The following CA10 variants were observed in gnomAD, a reference collection of about 807,000 sequenced individuals.
CA10 encodes carbonic anhydrase 10 (inactive), also known as carbonic anhydrase-related protein 10.
A neutral mutation model predicts 44.2 loss-of-function variants in CA10; 14 were observed. The observed-to-expected ratio is 0.32, with a 90% CI of 0.21 to 0.50. The LOEUF (loss-of-function observed/expected upper bound fraction) is 0.50. Among genes scored for constraint, CA10 ranks in the 20% least tolerant of loss-of-function variants. The pLI, the probability that CA10 is intolerant of heterozygous loss-of-function variation, is 0.99. For missense variants in CA10, 350 were observed against 409.7 expected (o/e 0.85, Z 1.26); for synonymous variants, 159 against 141.6 (o/e 1.12, Z -0.87).
At chr17:51,752,318 G>A (rs377145176) in intron 3 of CA10, among the ~76,000 whole-genome samples, 135 of 151,532 alleles carry the variant, frequency 8.9e-4, no homozygotes, top group African/African-American at 3.2e-3. Context: ...TGGGTGCGCA[G>A]CATGTTGGAA....
chr17:51,813,887 T>C (rs1907468607), intron 3 of CA10, among the ~76,000 whole-genome samples: 1 of 152,202 alleles, frequency 6.6e-6, no homozygotes, highest in South Asian at 2.1e-4. Context: ...GCTCTGACCC[T>C]AAATCTAGCA....
chr17:51,974,611 AAGAG>A (rs1190280136), intron 2 of CA10, among the ~76,000 whole-genome samples: 15 of 152,140 alleles, frequency 9.9e-5, no homozygotes, highest in African/African-American at 3.4e-4. Context: ...CTAGAAGGAG[AAGAG>A]AGAGAAAAAT....
At chr17:52,147,703 A>G (rs1989618470) in intron 1 of CA10, among the ~76,000 whole-genome samples, 1 of 152,194 alleles carries the variant, frequency 6.6e-6, no homozygotes, top group African/African-American at 2.4e-5. Context: ...ACTGTAACTT[A>G]AGAGCCAGTA....
chr17:51,901,414 A>G (rs1340353403), intron 3 of CA10, among the ~76,000 whole-genome samples: 1 of 152,178 alleles, frequency 6.6e-6, no homozygotes, highest in African/African-American at 2.4e-5. Flanking sequence ...TTCCCTAGCC[A>G]CAATACTCCA....
chr17:52,158,735 C>T (rs1227161513), upstream of CA10: 3 of 152,554 alleles, frequency 2.0e-5, no homozygotes, highest in Admixed American at 2.0e-4. Flanking sequence ...GTCGTTATTT[C>T]CTCGCCTACG....
At chr17:52,068,812 A>G (rs1192084498) in intron 2 of CA10, among the ~76,000 whole-genome samples, 1 of 152,244 alleles carries the variant, frequency 6.6e-6, no homozygotes, top group East Asian at 1.9e-4. Context: ...TTCTCCTTAC[A>G]TGGCATGAAT....
At chr17:51,901,777 C>T (rs1231763688) in intron 3 of CA10, among the ~76,000 whole-genome samples, 1 of 152,076 alleles carries the variant, frequency 6.6e-6, no homozygotes. Flanking sequence ...TTGATGATAG[C>T]AGCAGCTAAC....
At chr17:51,887,252 C>T (rs1397731712) in intron 3 of CA10, among the ~76,000 whole-genome samples, 1 of 151,668 alleles carries the variant, frequency 6.6e-6, no homozygotes, top group Non-Finnish European at 1.5e-5. Context: ...TTCTTAAATA[C>T]CCCCTCCAAT....
rs561580842 is a variant in CA10, at chr17:52,149,070, G to T, written c.61+8656C>A. Reference sequence around the variant, plus strand: ...AGAATTGTTTTCCTTGAGGCTAAAAGGTAGCTGTGTGTGTAGTGAGAGAGA... The same window carrying T: ...AGAATTGTTTTCCTTGAGGCTAAAATGTAGCTGTGTGTGTAGTGAGAGAGA... On this transcript the variant is annotated intron_variant, in intron 1 of 8. Transcript: ENST00000451037. Among the ~76,000 whole-genome samples, 10 of 152,316 alleles carry T rather than the reference G, an allele frequency of 6.6e-5. No homozygotes were observed. The South Asian group carries it at 1.7e-3, about 25-fold the overall frequency.
intron 3 of CA10, among the ~76,000 whole-genome samples, chr17:51,821,609 A>C (rs572309613): frequency 1.3e-5 from 2 of 152,116 alleles, no homozygotes; most frequent in South Asian, 4.2e-4. Context: ...GTCAGGAAGA[A>C]CTTGTAAAAA....
chr17:51,939,793 A>G (rs1033391967), intron 2 of CA10, among the ~76,000 whole-genome samples: 11 of 151,998 alleles, frequency 7.2e-5, no homozygotes, highest in Non-Finnish European at 1.6e-4. Flanking sequence ...AATTATGGAG[A>G]TATTAACCTT....
intron 3 of CA10, among the ~76,000 whole-genome samples, chr17:51,904,992 G>A (rs189169700): frequency 2.6e-5 from 4 of 152,144 alleles, no homozygotes; most frequent in African/African-American, 7.2e-5. Flanking sequence ...CTATTTACAT[G>A]TTCCCAACCT....
chr17:51,941,869 T>G (rs1390621529), intron 2 of CA10, among the ~76,000 whole-genome samples: 1 of 152,150 alleles, frequency 6.6e-6, no homozygotes, highest in East Asian at 1.9e-4. Context: ...CTGGATATCA[T>G]GGAATACATA....
At chr17:51,778,054 A>G (rs138397015) in intron 3 of CA10, among the ~76,000 whole-genome samples, 92 of 152,290 alleles carry the variant, frequency 6.0e-4, no homozygotes, top group African/African-American at 2.2e-3. Flanking sequence ...ATCCTTCAGG[A>G]ATGTATGTTC....
intron 3 of CA10, among the ~76,000 whole-genome samples, chr17:51,801,344 G>A (rs556614536): frequency 3.8e-4 from 58 of 152,198 alleles, no homozygotes; most frequent in African/African-American, 1.2e-3. Flanking sequence ...TCGCCCTTGG[G>A]GACTGGGGAG....
chr17:51,939,023 C>T (rs946617659), intron 2 of CA10, among the ~76,000 whole-genome samples: 7 of 152,168 alleles, frequency 4.6e-5, no homozygotes, highest in African/African-American at 1.7e-4. Flanking sequence ...AAGAGGTAAT[C>T]ATCTCTTCCT....
In CA10 at chr17:51,982,265, A is replaced by G. The variant is rs114644158; in HGVS notation, c.137-51133T>C. Among the ~76,000 whole-genome samples, 543 of 152,068 alleles carry G rather than the reference A, an allele frequency of 3.6e-3. 5 individuals are homozygous for G. Among genetic ancestry groups the G allele is most frequent in the South Asian group, 0.022 (105 of 4,828 alleles). Reference sequence around the variant, plus strand: ...TCTACTGTGTGCAACCTTCCCCCTCAGGATTTAGCTGTGGTGGCAATAAAG... The same window carrying G: ...TCTACTGTGTGCAACCTTCCCCCTCGGGATTTAGCTGTGGTGGCAATAAAG... On this transcript the variant is annotated intron_variant, in intron 2 of 8. Coordinates refer to ENST00000451037, the MANE Select transcript of CA10 (RefSeq NM_020178.5).
At chr17:52,152,088 C>T (rs939690724) in intron 1 of CA10, among the ~76,000 whole-genome samples, 1 of 151,976 alleles carries the variant, frequency 6.6e-6, no homozygotes, top group East Asian at 1.9e-4. Context: ...GAGACCCTAC[C>T]TCCAGCCCCC....
intron 4 of CA10, among the ~76,000 whole-genome samples, chr17:51,672,172 A>G (rs1423309225): frequency 6.6e-6 from 1 of 152,184 alleles, no homozygotes; most frequent in Non-Finnish European, 1.5e-5. Context: ...CCATATTCCC[A>G]CATTTCTTAT....
Sources: allele counts gnomAD v4.1 joint callset (sites outside exome capture counted in the v4.1 genomes callset), GRCh38; gene constraint gnomAD v4.1.1; transcripts MANE v1.5; gene names NCBI Gene and HGNC (gene_info 2026-07-23, HGNC 2026-07-21).